The following MCF2L2 variants were observed in gnomAD, a reference collection of about 807,000 sequenced individuals.
MCF2L2 encodes the protein probable guanine nucleotide exchange factor MCF2L2.
Under a neutral mutation model 150.2 loss-of-function variants are expected in MCF2L2, and 102 were observed. The ratio of observed to expected loss-of-function variants is 0.68; its 90% CI spans 0.58 to 0.80. The LOEUF is 0.80. Among genes scored for constraint, MCF2L2 ranks in the 30% least tolerant of loss-of-function variants. MCF2L2 has a pLI of 0.00. For synonymous variants in MCF2L2, 465 were observed against 491.3 expected (o/e 0.95, Z 0.71); for missense variants, 1,256 against 1,372.8 (o/e 0.91, Z 1.34).
intron 1 of MCF2L2, chr3:183,400,351 C>CT (rs34320996): frequency 1.5e-5 from 7 of 452,616 alleles, no homozygotes; most frequent in African/African-American, 1.2e-4. Flanking sequence ...TCCACACTAC[C>CT]TTTTTTTGCC....
At chr3:183,394,664 G>T (rs768450330) in intron 1 of MCF2L2, among the ~76,000 whole-genome samples, 1 of 152,206 alleles carries the variant, frequency 6.6e-6, no homozygotes. Context: ...TGAAGTAAAG[G>T]CTTTTGAAAG....
chr3:183,286,989 T>C (rs1271709610), intron 14 of MCF2L2, among the ~76,000 whole-genome samples: 1 of 152,196 alleles, frequency 6.6e-6, no homozygotes, highest in African/African-American at 2.4e-5. Flanking sequence ...CAGAGGGAGA[T>C]GGCAACTTAA....
At chr3:183,191,474 G>C (rs1721890040) in intron 27 of MCF2L2, among the ~76,000 whole-genome samples, 1 of 151,856 alleles carries the variant, frequency 6.6e-6, no homozygotes, top group Non-Finnish European at 1.5e-5. Context: ...AAGATCCCCA[G>C]TGGATGCCCG....
At chr3:183,292,083 G>A (rs1273117535) in intron 13 of MCF2L2, among the ~76,000 whole-genome samples, 1 of 146,944 alleles carries the variant, frequency 6.8e-6, no homozygotes, top group South Asian at 2.3e-4. Flanking sequence ...GTGTATGTGT[G>A]TGGATGTGTG....
intron 21 of MCF2L2, among the ~76,000 whole-genome samples, chr3:183,219,533 C>T (rs1385549944): frequency 1.3e-5 from 2 of 151,912 alleles, no homozygotes; most frequent in East Asian, 3.9e-4. Flanking sequence ...ATCGCTTGAA[C>T]CCGGGAGGCA....
chr3:183,407,193 T>C (rs1054781604), intron 1 of MCF2L2, among the ~76,000 whole-genome samples: 14 of 152,254 alleles, frequency 9.2e-5, no homozygotes, highest in African/African-American at 3.4e-4. Flanking sequence ...TATTCTGGAA[T>C]ATCTCCTCTG....
At chr3:183,208,517 A>C (rs1242545495) in intron 22 of MCF2L2, among the ~76,000 whole-genome samples, 2 of 152,234 alleles carry the variant, frequency 1.3e-5, no homozygotes, top group Non-Finnish European at 2.9e-5. Context: ...TGCCTTTGTC[A>C]TATGTCTGGT....
chr3:183,269,534 G>A, intron 15 of MCF2L2: 1 of 387,370 alleles, frequency 2.6e-6, no homozygotes. Flanking sequence ...GCCGCATGAG[G>A]CCGCCCACCA....
At chr3:183,301,518 G>A (rs1469275062) in intron 10 of MCF2L2, among the ~76,000 whole-genome samples, 1 of 152,156 alleles carries the variant, frequency 6.6e-6, no homozygotes, top group Non-Finnish European at 1.5e-5. Context: ...ACTAGGCCGG[G>A]CTGTGGTGGC....
chr3:183,343,989 C>T (rs1730803168), intron 3 of MCF2L2, among the ~76,000 whole-genome samples: 1 of 151,874 alleles, frequency 6.6e-6, no homozygotes, highest in Admixed American at 6.6e-5. Flanking sequence ...TGAGCAACAA[C>T]AAGATACTAT....
At chr3:183,377,540 T>TA in intron 3 of MCF2L2, 1 of 152,176 alleles carries the variant, frequency 6.6e-6, no homozygotes, top group Admixed American at 6.5e-5. Context: ...CTGGAGATTT[T>TA]AAAAACGAAA....
intron 7 of MCF2L2, among the ~76,000 whole-genome samples, chr3:183,312,224 C>T (rs972236236): frequency 6.6e-6 from 1 of 152,128 alleles, no homozygotes; most frequent in African/African-American, 2.4e-5. Flanking sequence ...AAACACCTGC[C>T]TCTCCCTCCA....
intron 15 of MCF2L2, chr3:183,272,189 T>C: frequency 1.0e-6 from 1 of 1,000,284 alleles, no homozygotes; most frequent in Non-Finnish European, 1.2e-6. Flanking sequence ...GTGTCTGAGA[T>C]CTAATAGAGT....
chr3:183,332,161 G>C (rs1287145794), intron 5 of MCF2L2, among the ~76,000 whole-genome samples: 2 of 152,198 alleles, frequency 1.3e-5, no homozygotes, highest in East Asian at 3.9e-4. Context: ...CTGTCATTGA[G>C]AAGGCAACAC....
intron 13 of MCF2L2, 71 bp from the exon 14 acceptor site, chr3:183,289,291 G>T: frequency 9.7e-7 from 1 of 1,026,318 alleles, no homozygotes; most frequent in Non-Finnish European, 1.5e-6. Context: ...GTCTGATTTG[G>T]ACAAATAGCT....
intron 15 of MCF2L2, among the ~76,000 whole-genome samples, chr3:183,246,975 C>T (rs966060841): frequency 6.6e-6 from 1 of 152,164 alleles, no homozygotes; most frequent in African/African-American, 2.4e-5. Context: ...AAGAACTCCT[C>T]TAGGGCAGAT....
chr3:183,270,715 A>C lies in MCF2L2; in HGVS notation c.1862+6157T>G, dbSNP rs1478132397. 1.2e-6 allele frequency: 2 copies of C among 1,613,462 alleles called. No individual in the cohort carries two copies. The highest frequency in any genetic ancestry group is 4.5e-5 in the East Asian group (2 of 44,884). On this transcript the variant is annotated intron_variant, in intron 15 of 29. Transcript: ENST00000328913. This position sits in a 1 kb window ranked among gnomAD's most constrained non-coding sequence, Gnocchi z 4.5. ...CAGGACCATGTGTTTTTTTCTGGAGAGGGTAAAACTCCTTATCATCCCTGC... is the reference window on the plus strand; with the variant it reads ...CAGGACCATGTGTTTTTTTCTGGAGCGGGTAAAACTCCTTATCATCCCTGC...
chr3:183,282,166 ATTATTTAT>A (rs981405132), intron 14 of MCF2L2, among the ~76,000 whole-genome samples: 1 of 148,180 alleles, frequency 6.7e-6, no homozygotes, highest in Non-Finnish European at 1.5e-5. Context: ...TATTATTATT[ATTATTTAT>A]TTTATTTTAT....
chr3:183,334,717 T>C (rs1309491992), intron 5 of MCF2L2, among the ~76,000 whole-genome samples: 2 of 146,140 alleles, frequency 1.4e-5, no homozygotes, highest in African/African-American at 5.1e-5. Context: ...TGCTTGAACC[T>C]GGGAGGCAGA....
Sources: gnomAD v4.1 joint callset for allele counts (sites outside exome capture counted in the v4.1 genomes callset) on GRCh38, gnomAD v4.1.1 for gene constraint, Gnocchi (gnomAD v3.1) non-coding constraint, MANE v1.5 for transcripts, NCBI Gene and HGNC (gene_info 2026-07-23, HGNC 2026-07-21) for gene names.